Variants in SLC9C2 observed in about 807,000 individuals in gnomAD.
SLC9C2 encodes the protein solute carrier family 9 member C2 (putative).
Under a neutral mutation model 140.2 loss-of-function variants are expected in SLC9C2, and 75 were observed. The observed-to-expected ratio is 0.53, with a 90% confidence interval of 0.44 to 0.65. The LOEUF is 0.65. SLC9C2 is among the 30% of genes least tolerant of loss of function. The probability of loss-of-function intolerance (pLI) is 0.00; values close to 1 mark genes in which losing one functional copy is unlikely to be tolerated. For missense variants in SLC9C2, 1,074 were observed against 1,331.8 expected, an observed-to-expected ratio of 0.81 and a Z score of 3.01; for synonymous variants, 375 against 420.9, an observed-to-expected ratio of 0.89 and a Z score of 1.34.
In SLC9C2 at chr1:173,501,027, T is replaced by C; in HGVS notation, c.*67A>G. On this transcript the variant is annotated 3_prime_UTR_variant, in exon 28 of 28. Transcript: ENST00000367714. ...TATTTGAGCGAGGAAAGTAGTTTGG[T>C]CTTTAACCTGACTCCACACATCATA... 7.0e-7 allele frequency: 1 copy of C among 1,432,898 alleles called. No homozygotes were observed. Among genetic ancestry groups the C allele is most frequent in the Admixed American group, 2.7e-5 (1 of 36,664 alleles). 88.8% of individuals were successfully genotyped at this position (1,432,898 alleles called of 1,614,324 possible). A position where few individuals can be genotyped will look rare whatever the true frequency, so the allele number is the denominator to read the frequency against.
rs560342015 is a variant in SLC9C2 at position 173,530,386 on chromosome 1, C to T, written c.2164-332G>A. 1.5e-3 allele frequency among the ~76,000 whole-genome samples: 225 copies of T among 152,192 alleles called. 4 individuals are homozygous for T. The highest frequency in any genetic ancestry group is 2.9e-3 in the South Asian group (14 of 4,822). On this transcript the variant is annotated intron_variant, in intron 17 of 27. Transcript: ENST00000367714. ...CTGCCTTTTCCCTCATTCTCTGTACCCCCAGATTTCAGAAAACCCCTAACC... is the reference window on the plus strand; with the variant it reads ...CTGCCTTTTCCCTCATTCTCTGTACTCCCAGATTTCAGAAAACCCCTAACC...
intron 3 of SLC9C2, among the ~76,000 whole-genome samples, chr1:173,598,717 T>C (rs941133870): frequency 2.0e-5 from 3 of 152,214 alleles, no homozygotes; most frequent in Non-Finnish European, 4.4e-5. Context: ...TGGGTTGCTG[T>C]GAGAGTGAAT....
At chr1:173,556,221 T>A (rs755456608) in intron 10 of SLC9C2, among the ~76,000 whole-genome samples, 1 of 152,182 alleles carries the variant, frequency 6.6e-6, no homozygotes, top group East Asian at 1.9e-4. Context: ...CTTCTCTAGC[T>A]AGCTCATAGT....
chr1:173,548,811 G>C lies in SLC9C2; in HGVS notation c.1298-259C>G, dbSNP rs141217545. 4.4e-3 allele frequency among the ~76,000 whole-genome samples: 670 copies of C among 152,288 alleles called. 6 individuals are homozygous for C. Among genetic ancestry groups the C allele is most frequent in the African/African-American group, 0.015 (628 of 41,546 alleles). On this transcript the variant is annotated intron_variant, in intron 11 of 27. Transcript: ENST00000367714. ...TTTCCTTGCTTTCCCTATAGCTAAAGACATGACTACTTCAACGCACCTAAT... is the reference window on the plus strand; with the variant it reads ...TTTCCTTGCTTTCCCTATAGCTAAACACATGACTACTTCAACGCACCTAAT...
At chr1:173,563,843 C>T (rs768749281) in intron 9 of SLC9C2, among the ~76,000 whole-genome samples, 1 of 152,166 alleles carries the variant, frequency 6.6e-6, no homozygotes, top group Admixed American at 6.5e-5. Flanking sequence ...ACTTTCCCCC[C>T]TTATCCCCCT....
At position 173,587,741 on chromosome 1, in the gene SLC9C2, C is replaced by T; in HGVS notation, c.447G>A (p.Leu149=). 2 of 1,613,322 alleles carry T rather than the reference C, an allele frequency of 1.2e-6. No individual in the cohort carries two copies. Among genetic ancestry groups the T allele is most frequent in the Non-Finnish European group, 1.7e-6 (2 of 1,179,572 alleles). ...VIKFNKDSWD[L]QSCLLFSITL... ...TGATGCTAAAGAGTAGGCAAGATTGCAAATCCCATGAATCTTTATTGAATT... is the reference window on the plus strand; with the variant it reads ...TGATGCTAAAGAGTAGGCAAGATTGTAAATCCCATGAATCTTTATTGAATT... Residue 149 remains leucine, a synonymous_variant, in exon 5 of 28, where the codon TTG becomes TTA. Coordinates refer to ENST00000367714, the MANE Select transcript of SLC9C2 (RefSeq NM_178527.4).
intron 19 of SLC9C2, among the ~76,000 whole-genome samples, chr1:173,526,427 A>C (rs1661201246): frequency 6.6e-6 from 1 of 152,180 alleles, no homozygotes; most frequent in African/African-American, 2.4e-5. Flanking sequence ...GACTCTGCTA[A>C]CTTTTTCAAT....
chr1:173,533,912 G>A (rs1661766485), intron 16 of SLC9C2, 115 bp from the exon 17 acceptor site: 3 of 1,175,842 alleles, frequency 2.6e-6, no homozygotes, highest in Non-Finnish European at 3.4e-6. Flanking sequence ...TCCGAAAGTT[G>A]AGCTTTAAGT....
At position 173,534,630 on chromosome 1, in the gene SLC9C2, C is replaced by A. The variant is rs1661813225; in HGVS notation, c.1828G>T (p.Glu610Ter). ...IFHIVFSEEFEYTGQIINLIY... is the reference protein window; with the variant it reads ...IFHIVFSEEF ...AAATTTATAATCTGTCCTGTATATT[C>A]AAATTCTTCAGAAAATACTATGTGA... The change falls in exon 16 of 28, where the codon GAA becomes TAA. Residue 610 changes from glutamate to a stop codon, truncating the protein, a stop_gained. Transcript: ENST00000367714. LOFTEE classifies it high-confidence loss of function. 1 of 1,550,852 alleles carries A rather than the reference C, an allele frequency of 6.4e-7. No homozygotes were observed. Among genetic ancestry groups the A allele is most frequent in the South Asian group, 1.2e-5 (1 of 80,218 alleles).
At chr1:173,543,429 C>T (rs555413524) in intron 13 of SLC9C2, among the ~76,000 whole-genome samples, 9 of 152,274 alleles carry the variant, frequency 5.9e-5, no homozygotes, top group South Asian at 2.1e-4. Flanking sequence ...GCCATACTGC[C>T]CAAGGCAATT....
At chr1:173,566,077 TTGC>T (rs1283197198) in intron 9 of SLC9C2, among the ~76,000 whole-genome samples, 1 of 152,148 alleles carries the variant, frequency 6.6e-6, no homozygotes, top group African/African-American at 2.4e-5. Context: ...TGAATTATGT[TTGC>T]TTACATTTTG....
chr1:173,579,271 G>C (rs1665376042), intron 7 of SLC9C2, among the ~76,000 whole-genome samples: 1 of 152,204 alleles, frequency 6.6e-6, no homozygotes, highest in African/African-American at 2.4e-5. Context: ...CTGGTTCTTA[G>C]AGACCTGGTA....
intron 9 of SLC9C2, among the ~76,000 whole-genome samples, chr1:173,562,042 T>A (rs1265498917): frequency 6.6e-6 from 1 of 152,132 alleles, no homozygotes; most frequent in Non-Finnish European, 1.5e-5. Context: ...TTTTTTTGAG[T>A]ACTAAAAATC....
chr1:173,504,127 G>A (rs2101882216), intron 26 of SLC9C2, among the ~76,000 whole-genome samples: 1 of 152,310 alleles, frequency 6.6e-6, no homozygotes, highest in Admixed American at 6.5e-5. Flanking sequence ...CAGAGACTGT[G>A]AGCTGGGGAA....
chr1:173,540,094 TC>T (rs1347042604), intron 13 of SLC9C2, among the ~76,000 whole-genome samples: 1 of 152,146 alleles, frequency 6.6e-6, no homozygotes, highest in Non-Finnish European at 1.5e-5. Flanking sequence ...CTTTGTGGCT[TC>T]CCCTCTCACC....
intron 7 of SLC9C2, among the ~76,000 whole-genome samples, chr1:173,580,446 G>T (rs1471979230): frequency 1.3e-5 from 2 of 152,066 alleles, no homozygotes; most frequent in African/African-American, 2.4e-5. Flanking sequence ...CTGCCTCCCG[G>T]GTACAAGGGA....
intron 25 of SLC9C2, among the ~76,000 whole-genome samples, chr1:173,506,285 C>T (rs1221527149): frequency 6.6e-6 from 1 of 152,232 alleles, no homozygotes; most frequent in Non-Finnish European, 1.5e-5. Context: ...TGGGTCCTCC[C>T]CATTCCTTTG....
At chr1:173,595,867 C>A (rs528483049) in intron 4 of SLC9C2, among the ~76,000 whole-genome samples, 1 of 152,228 alleles carries the variant, frequency 6.6e-6, no homozygotes, top group Admixed American at 6.5e-5. Flanking sequence ...TATGTAATCA[C>A]ACCACAACTA....
In SLC9C2 at chr1:173,599,362, ATTTTTTTTTTTTT is replaced by A. The variant is rs61579339; in HGVS notation, c.228+742_228+754del. On this transcript the variant is annotated intron_variant, in intron 3 of 27. Transcript: ENST00000367714. Reference sequence around the variant, plus strand: ...CAAGAGCGCAAACACATTTTCCTTGATTTTTTTTTTTTTTTTTTTTTTTTTTTTTTGAGACGGA... The same window carrying A: ...CAAGAGCGCAAACACATTTTCCTTGATTTTTTTTTTTTTTTTTGAGACGGA... Among the ~76,000 whole-genome samples, 53 of 68,132 alleles carry A rather than the reference ATTTTTTTTTTTTT, an allele frequency of 7.8e-4. No homozygotes were observed. In the East Asian group the frequency reaches 0.023, roughly 29 times the overall value. 44.7% of individuals were successfully genotyped at this position (68,132 alleles called of 152,430 possible). A position where few individuals can be genotyped will look rare whatever the true frequency, so the allele number is the denominator to read the frequency against.
Sources: allele counts gnomAD v4.1 joint callset (sites outside exome capture counted in the v4.1 genomes callset), GRCh38; gene constraint gnomAD v4.1.1; transcripts MANE v1.5; gene names NCBI Gene and HGNC (gene_info 2026-07-23, HGNC 2026-07-21).